FRY: variants seen among roughly 807,000 people sequenced by gnomAD.
The protein encoded by FRY is FRY microtubule binding protein.
FRY carries 128 observed loss-of-function variants against 348.4 expected under a neutral mutation model. The observed-to-expected ratio is 0.37, with a 90% CI of 0.32 to 0.43. FRY has a LOEUF of 0.43. Ranked by LOEUF, FRY falls within the 20% of genes least tolerant of loss-of-function variation. FRY has a pLI of 1.00. For synonymous variants in FRY, 1,370 were observed against 1,374.7 expected, an observed-to-expected ratio of 1.00 and a Z score of 0.08; for missense variants, 2,736 against 3,695.2, an observed-to-expected ratio of 0.74 and a Z score of 6.73.
intron 3 of FRY, among the ~76,000 whole-genome samples, chr13:32,112,308 G>T (rs1466684769): frequency 6.6e-6 from 1 of 151,876 alleles, no homozygotes; most frequent in African/African-American, 2.4e-5. Flanking sequence ...CATTTTGGAA[G>T]GTTTATTATG....
intron 17 of FRY, among the ~76,000 whole-genome samples, chr13:32,162,911 A>C (rs957967065): frequency 6.6e-6 from 1 of 152,196 alleles, no homozygotes; most frequent in Non-Finnish European, 1.5e-5. Flanking sequence ...CCTGGATCAA[A>C]AAGGGCTTTC....
intron 51 of FRY, among the ~76,000 whole-genome samples, chr13:32,255,112 G>T (rs1887266091): frequency 6.6e-6 from 1 of 152,142 alleles, no homozygotes; most frequent in Admixed American, 6.5e-5. Context: ...TAGCTTAGAG[G>T]CATGTTCCAC....
At chr13:32,197,040 C>T (rs1021359953) in intron 29 of FRY, among the ~76,000 whole-genome samples, 34 of 152,152 alleles carry the variant, frequency 2.2e-4, no homozygotes, top group African/African-American at 8.0e-4. Context: ...ACTAGCTTAA[C>T]GCACCAGAAT....
chr13:32,132,666 T>C (rs1199856822), intron 8 of FRY, among the ~76,000 whole-genome samples: 1 of 152,124 alleles, frequency 6.6e-6, no homozygotes, highest in Non-Finnish European at 1.5e-5. Context: ...TACCGTATGA[T>C]CCAGCAATTC....
rs56280130 is a variant in FRY, at chr13:32,266,971, G to A, written c.7947-199G>A. Among the ~76,000 whole-genome samples the A allele has an allele frequency of 6.5e-3, 983 of 152,268 alleles. 8 individuals carry two copies. Among genetic ancestry groups the A allele is most frequent in the African/African-American group, 8.9e-3 (372 of 41,574 alleles). On this transcript the variant is annotated intron_variant, in intron 54 of 60. Coordinates refer to ENST00000542859, the MANE Select transcript of FRY (RefSeq NM_023037.3). ...TGCACTCCAGCCTGGGCGACAGAGC[G>A]AGACTCAAAACAAACAAACAGACCA...
At chr13:32,194,432 C>A (rs1239794165) in intron 29 of FRY, 135 bp downstream of exon 29, 3 of 762,964 alleles carry the variant, frequency 3.9e-6, no homozygotes, top group East Asian at 2.6e-5. Flanking sequence ...TCTGTATGTC[C>A]CCAGCAGGTA....
intron 3 of FRY, among the ~76,000 whole-genome samples, chr13:32,112,881 G>C (rs1878058627): frequency 6.6e-6 from 1 of 152,176 alleles, no homozygotes; most frequent in Non-Finnish European, 1.5e-5. Flanking sequence ...AAGCAATTAA[G>C]AGTGAAAACA....
At chr13:32,213,554 A>T (rs1038022458) in intron 35 of FRY, among the ~76,000 whole-genome samples, 9 of 152,260 alleles carry the variant, frequency 5.9e-5, no homozygotes, top group African/African-American at 2.2e-4. Flanking sequence ...AAGGTACAAG[A>T]TTATTAATTA....
rs1277460700 is a variant in FRY at position 32,173,492 on chromosome 13, G to A, written c.2277G>A (p.Leu759=). 14 of 1,613,582 alleles carry A rather than the reference G, an allele frequency of 8.7e-6. No homozygotes were observed. Among genetic ancestry groups the A allele is most frequent in the African/African-American group, 1.3e-5 (1 of 74,904 alleles). The change falls in exon 19 of 61, where the codon CTG becomes CTA. Residue 759 remains leucine, a synonymous_variant. Transcript: ENST00000542859. The part of the protein sequence containing the change: ...LCSFQVATRK[L]SVLILKEIRA... ...GTTTCCAGGTGGCCACACGCAAACT[G>A]TCCGTTTTAATACTCAAGGAAATTC...
chr13:32,200,459 C>A (rs976719561), intron 29 of FRY, among the ~76,000 whole-genome samples: 1 of 152,178 alleles, frequency 6.6e-6, no homozygotes, highest in African/African-American at 2.4e-5. Context: ...CAGTTGTTCA[C>A]ACCTGTAATC....
At chr13:32,286,440 G>A (rs73450491) in intron 58 of FRY, among the ~76,000 whole-genome samples, 1,970 of 152,148 alleles carry the variant, frequency 0.013, 47 homozygotes, top group African/African-American at 0.044. Flanking sequence ...TCTATGATAT[G>A]GTGACATCAA....
At chr13:32,255,414 C>T (rs1386104905) in intron 51 of FRY, among the ~76,000 whole-genome samples, 1 of 152,292 alleles carries the variant, frequency 6.6e-6, no homozygotes, top group East Asian at 1.9e-4. Context: ...TTATTATTGA[C>T]CAACCCGCCT....
intron 1 of FRY, among the ~76,000 whole-genome samples, chr13:32,039,467 C>T (rs1471826187): frequency 6.8e-6 from 1 of 147,086 alleles, no homozygotes; most frequent in Non-Finnish European, 1.5e-5. Context: ...CTCTCTCTTT[C>T]TTTCTCTCTC....
chr13:32,040,449 G>T (rs111485557), intron 1 of FRY, among the ~76,000 whole-genome samples: 3 of 152,306 alleles, frequency 2.0e-5, no homozygotes, highest in African/African-American at 7.2e-5. Context: ...TAAACATCAT[G>T]ATATTCATCA....
At position 32,187,603 on chromosome 13, in the gene FRY, G is replaced by A; in HGVS notation, c.3538G>A (p.Asp1180Asn). The A allele has an allele frequency of 6.2e-7, 1 of 1,612,850 alleles. No individual in the cohort carries two copies. The highest frequency in any genetic ancestry group is 8.5e-7 in the Non-Finnish European group (1 of 1,178,888). ...PVFDNVGLSP[D>N]GYLYKWLDNI... ...CTTTGACAATGTGGGCCTTTCCCCA[G>A]ATGGCTACCTATATAAATGGCTTGA... Residue 1180 changes from aspartate (D) to asparagine (N), a missense_variant, in exon 28 of 61, where the codon GAT becomes AAT. Transcript: ENST00000542859.
chr13:32,174,391 T>A (rs1295839243), intron 19 of FRY, among the ~76,000 whole-genome samples: 2 of 152,212 alleles, frequency 1.3e-5, no homozygotes, highest in Admixed American at 1.3e-4. Flanking sequence ...CATATTATAT[T>A]TTAGCAAACC....
At chr13:32,199,712 A>G (rs1350285339) in intron 29 of FRY, among the ~76,000 whole-genome samples, 2 of 152,330 alleles carry the variant, frequency 1.3e-5, no homozygotes, top group African/African-American at 4.8e-5. Flanking sequence ...CTTTTAGAAG[A>G]AAAATATATT....
intron 1 of FRY, among the ~76,000 whole-genome samples, chr13:32,063,472 CA>C (rs150235570): frequency 0.034 from 5,176 of 152,284 alleles, 91 homozygotes; most frequent in African/African-American, 0.039. Flanking sequence ...GTAAGAACCA[CA>C]CTTTGCATTG....
intron 4 of FRY, 134 bp downstream of exon 4, chr13:32,117,607 C>T (rs1367783733): frequency 1.1e-6 from 1 of 871,450 alleles, no homozygotes; most frequent in Non-Finnish European, 1.9e-6. Context: ...CTGCAGGGGC[C>T]CTGTGTCTGT....
Sources: gnomAD v4.1 joint callset for allele counts (sites outside exome capture counted in the v4.1 genomes callset) on GRCh38, gnomAD v4.1.1 for gene constraint, MANE v1.5 for transcripts, NCBI Gene and HGNC (gene_info 2026-07-23, HGNC 2026-07-21) for gene names.